Variants in DSCAM observed in about 807,000 individuals in gnomAD.
DSCAM encodes the protein DS cell adhesion molecule.
Under a neutral mutation model 217.7 loss-of-function variants are expected in DSCAM, and 47 were observed. That is an observed-to-expected ratio of 0.22 (90% CI 0.17 to 0.28). The LOEUF is 0.28. Ranked by LOEUF, DSCAM falls within the 10% of genes least tolerant of loss-of-function variation. The probability of loss-of-function intolerance (pLI) is 1.00; values close to 1 mark genes in which losing one functional copy is unlikely to be tolerated. For missense variants in DSCAM, 2,080 were observed against 2,618.3 expected (o/e 0.79, Z 4.49); for synonymous variants, 1,056 against 1,015.3 (o/e 1.04, Z -0.76).
chr21:40,077,732 G>T (rs1470152409), intron 26 of DSCAM, among the ~76,000 whole-genome samples: 3 of 152,212 alleles, frequency 2.0e-5, no homozygotes, highest in Non-Finnish European at 4.4e-5. Context: ...GTCTTGGCTT[G>T]GCTGTCAATA....
intron 5 of DSCAM, among the ~76,000 whole-genome samples, chr21:40,348,390 A>G (rs539563378): frequency 1.7e-3 from 256 of 151,478 alleles, no homozygotes; most frequent in African/African-American, 4.8e-3. Flanking sequence ...TAGCCACATT[A>G]TTGCAATCAT....
At chr21:40,747,905 G>A (rs2091190753) in intron 1 of DSCAM, among the ~76,000 whole-genome samples, 1 of 151,900 alleles carries the variant, frequency 6.6e-6, no homozygotes, top group Non-Finnish European at 1.5e-5. Flanking sequence ...AGAGATGCAA[G>A]AATGATTCAA....
chr21:40,480,973 C>T (rs2075977209), intron 3 of DSCAM, among the ~76,000 whole-genome samples: 1 of 152,148 alleles, frequency 6.6e-6, no homozygotes. Flanking sequence ...TCTTTTAGGC[C>T]ATGCTTTTGC....
At position 40,181,374 on chromosome 21, in the gene DSCAM, C is replaced by G. The variant is rs560536637; in HGVS notation, c.2780-2280G>C. On this transcript the variant is annotated intron_variant, in intron 14 of 32. Transcript: ENST00000400454. ...GCTTTCAGACCTACCAAACCAGAGT[C>G]TCTGGGGAATGGTGCCCAGAAACCT... Among the ~76,000 whole-genome samples the G allele has an allele frequency of 1.2e-4, 19 of 152,280 alleles. No individual in the cohort carries two copies. The East Asian group carries it at 3.5e-3, about 28-fold the overall frequency.
intron 3 of DSCAM, among the ~76,000 whole-genome samples, chr21:40,371,432 AAAAG>A (rs1279288387): frequency 6.6e-6 from 1 of 151,136 alleles, no homozygotes; most frequent in African/African-American, 2.5e-5. Context: ...CAAAAAAAAA[AAAAG>A]ATGATGTATG....
intron 4 of DSCAM, among the ~76,000 whole-genome samples, chr21:40,358,801 C>CG (rs1555909309): frequency 9.2e-6 from 1 of 108,960 alleles, no homozygotes; most frequent in Admixed American, 9.8e-5. Context: ...GACTCCATCT[C>CG]GAAAAAAAAA....
At chr21:40,532,739 G>C (rs532289239) in intron 3 of DSCAM, among the ~76,000 whole-genome samples, 1 of 152,260 alleles carries the variant, frequency 6.6e-6, no homozygotes, top group Admixed American at 6.5e-5. Flanking sequence ...GAGAGCCTGG[G>C]GTAACCTGGG....
At chr21:40,195,342 A>G (rs957839521) in intron 11 of DSCAM, among the ~76,000 whole-genome samples, 1 of 152,162 alleles carries the variant, frequency 6.6e-6, no homozygotes, top group African/African-American at 2.4e-5. Flanking sequence ...AAAAGAAAAC[A>G]GATTGAAAAG....
chr21:40,350,384 A>G (rs1248372216), intron 5 of DSCAM, among the ~76,000 whole-genome samples: 1 of 152,208 alleles, frequency 6.6e-6, no homozygotes, highest in Non-Finnish European at 1.5e-5. Context: ...TTTGCAATCT[A>G]TCCATCTGAC....
At chr21:40,654,848 T>C (rs775850319) in intron 3 of DSCAM, among the ~76,000 whole-genome samples, 1 of 152,182 alleles carries the variant, frequency 6.6e-6, no homozygotes, top group Non-Finnish European at 1.5e-5. Context: ...CTTTTTGCCA[T>C]GTAAGGTGAA....
At chr21:40,809,471 A>G (rs543968958) in intron 1 of DSCAM, among the ~76,000 whole-genome samples, 48 of 152,338 alleles carry the variant, frequency 3.2e-4, no homozygotes, top group African/African-American at 1.1e-3. Context: ...AGAATCAGAG[A>G]ATCATACAGT....
chr21:40,229,519 C>G (rs1356260701), intron 11 of DSCAM, among the ~76,000 whole-genome samples: 3 of 152,190 alleles, frequency 2.0e-5, no homozygotes, highest in Non-Finnish European at 4.4e-5. Flanking sequence ...CAGTCCTCTC[C>G]TTTCCCCAAA....
chr21:40,824,555 G>A (rs1009880435), intron 1 of DSCAM, among the ~76,000 whole-genome samples: 3 of 151,666 alleles, frequency 2.0e-5, no homozygotes, highest in African/African-American at 7.3e-5. Context: ...GACCACAAGC[G>A]CAGGCCACCA....
intron 1 of DSCAM, among the ~76,000 whole-genome samples, chr21:40,834,144 C>T (rs974077726): frequency 2.0e-5 from 3 of 152,064 alleles, no homozygotes; most frequent in African/African-American, 7.2e-5. Flanking sequence ...AATAATGAGC[C>T]TAAAATAATA....
chr21:40,370,643 T>C (rs1388350909), intron 3 of DSCAM, among the ~76,000 whole-genome samples: 1 of 151,802 alleles, frequency 6.6e-6, no homozygotes, highest in Non-Finnish European at 1.5e-5. Flanking sequence ...TTTTTTGAGA[T>C]AAGGTCTGGC....
intron 14 of DSCAM, among the ~76,000 whole-genome samples, chr21:40,183,201 A>G (rs1044215781): frequency 6.6e-6 from 1 of 152,130 alleles, no homozygotes; most frequent in Non-Finnish European, 1.5e-5. Flanking sequence ...CTGCCTTCCA[A>G]GGAAGGGAAT....
intron 32 of DSCAM, among the ~76,000 whole-genome samples, chr21:40,036,357 A>G (rs1395552911): frequency 6.7e-6 from 1 of 149,484 alleles, no homozygotes; most frequent in Non-Finnish European, 1.5e-5. Flanking sequence ...CCACAGAAAT[A>G]CAAACTACCA....
At chr21:40,666,738 CCAGT>C (rs2090205602) in intron 3 of DSCAM, among the ~76,000 whole-genome samples, 1 of 152,194 alleles carries the variant, frequency 6.6e-6, no homozygotes, top group African/African-American at 2.4e-5. Context: ...GTCTATGGGA[CCAGT>C]TGCGGTTAGC....
chr21:40,218,051 A>G (rs950138037), intron 11 of DSCAM, among the ~76,000 whole-genome samples: 1 of 152,162 alleles, frequency 6.6e-6, no homozygotes, highest in South Asian at 2.1e-4. Flanking sequence ...TGCTTTTGGT[A>G]TCTTTTTCAT....
Sources: gnomAD v4.1 joint callset for allele counts (sites outside exome capture counted in the v4.1 genomes callset) on GRCh38, gnomAD v4.1.1 for gene constraint, MANE v1.5 for transcripts, NCBI Gene and HGNC (gene_info 2026-07-23, HGNC 2026-07-21) for gene names.